Variants in PKIA observed in about 807,000 individuals in gnomAD.
PKIA encodes the protein PKI-alpha.
PKIA carries 4 observed loss-of-function variants against 7.6 expected under a neutral mutation model. That is an observed-to-expected ratio of 0.52 (90% CI 0.26 to 1.20). PKIA has a LOEUF of 1.20. Ranked by LOEUF, PKIA falls within the 50% of genes most tolerant of loss-of-function variation. PKIA has a pLI of 0.13. For synonymous variants in PKIA, 21 were observed against 30.7 expected (o/e 0.68, Z 1.04); for missense variants, 73 against 86.2 (o/e 0.85, Z 0.61).
At chr8:78,591,417 G>C (rs1269453848) in intron 2 of PKIA, 2 of 152,544 alleles carry the variant, frequency 1.3e-5, no homozygotes, top group African/African-American at 2.4e-5. Flanking sequence ...AAAAGGAAAA[G>C]ATCAGCACAG....
At chr8:78,545,991 G>T (rs1806811735) in intron 1 of PKIA, among the ~76,000 whole-genome samples, 1 of 152,152 alleles carries the variant, frequency 6.6e-6, no homozygotes, top group Admixed American at 6.6e-5. Flanking sequence ...GATCAAGAAT[G>T]CTCATTAGAT....
At position 78,567,926 on chromosome 8, in the gene PKIA, C is replaced by T. The variant is rs539713322; in HGVS notation, c.-156-4885C>T. Among the ~76,000 whole-genome samples, 78 of 152,240 alleles carry T rather than the reference C, an allele frequency of 5.1e-4. 5 individuals carry two copies. The South Asian group carries it at 0.016, about 31-fold the overall frequency. On this transcript the variant is annotated intron_variant, in intron 1 of 3. Coordinates refer to ENST00000396418, the MANE Select transcript of PKIA (RefSeq NM_006823.4). ...AATAATTGTGGGTTTTTAAAAATCACTTCCTTAATTTCTCACACTACCAGA... is the reference window on the plus strand; with the variant it reads ...AATAATTGTGGGTTTTTAAAAATCATTTCCTTAATTTCTCACACTACCAGA...
chr8:78,566,473 C>A (rs141124854), intron 1 of PKIA, among the ~76,000 whole-genome samples: 1 of 151,868 alleles, frequency 6.6e-6, no homozygotes, highest in African/African-American at 2.4e-5. Context: ...AAAGATTTCC[C>A]CTGTGGAGAT....
At position 78,602,694 on chromosome 8, in the gene PKIA, A is replaced by ATATATATATATATATAT. The variant is rs1563597433; in HGVS notation, c.*873_*874insTATATATATATATATAT. 13 of 136,978 alleles carry ATATATATATATATATAT rather than the reference A, an allele frequency of 9.5e-5. No homozygotes were observed. The highest frequency in any genetic ancestry group is 3.7e-3 in the Middle Eastern group (1 of 268). The allele number at this position is 136,978 out of a possible 1,614,324, so 8.5% of individuals were successfully genotyped here. ...CTCAAGTGGAGAACTTCTCCCACAT[A>ATATATATATATATATAT]ATATATATATATATATATATTTTAA... is the stretch of plus-strand genomic sequence containing the variant. On this transcript the variant is annotated 3_prime_UTR_variant, in exon 4 of 4. Transcript: ENST00000396418.
At chr8:78,562,247 CTAATGG>C (rs1242228699) in intron 1 of PKIA, among the ~76,000 whole-genome samples, 1 of 152,086 alleles carries the variant, frequency 6.6e-6, no homozygotes, top group African/African-American at 2.4e-5. Context: ...CTAGTTGGGA[CTAATGG>C]TAATCATCAG....
chr8:78,599,760 T>C (rs553078563), intron 3 of PKIA, among the ~76,000 whole-genome samples: 12 of 152,114 alleles, frequency 7.9e-5, no homozygotes, highest in Admixed American at 4.6e-4. Context: ...GCATAAGATT[T>C]ATATTTTATT....
At position 78,601,567 on chromosome 8, in the gene PKIA, AAACTT is replaced by A. The variant is rs1808348415; in HGVS notation, c.152-172_152-168del. On this transcript the variant is annotated intron_variant, in intron 3 of 3. Transcript: ENST00000396418. Reference sequence around the variant, plus strand: ...GTTCACAGAATTAATCAGTCCTTGAAAACTTAAGCTGTTTTCTTAGTGGTGAACTG... The same window carrying A: ...GTTCACAGAATTAATCAGTCCTTGAAAAGCTGTTTTCTTAGTGGTGAACTG... Among the ~76,000 whole-genome samples, 10 of 152,064 alleles carry A rather than the reference AAACTT, an allele frequency of 6.6e-5. No individual in the cohort carries two copies. The South Asian group carries it at 1.7e-3, about 25-fold the overall frequency.
At chr8:78,533,943 GA>G (rs1317269124) in intron 1 of PKIA, 1 of 152,074 alleles carries the variant, frequency 6.6e-6, no homozygotes, top group African/African-American at 2.4e-5. Context: ...GTTAGAGATA[GA>G]AAATATCTAA....
rs1416427187 is a variant in PKIA at position 78,535,599 on chromosome 8, C to T, written c.-157+19131C>T. ...GAACTATGAATCACTAAGCCAGCCC[C>T]TGAACTTGCTCACCAAACTGTCCAG... is the stretch of plus-strand genomic sequence containing the variant. On this transcript the variant is annotated intron_variant, in intron 1 of 3. Coordinates refer to ENST00000396418, the MANE Select transcript of PKIA (RefSeq NM_006823.4). 3.3e-5 allele frequency: 5 copies of T among 152,292 alleles called. No homozygotes were observed. The East Asian group carries it at 7.7e-4, about 24-fold the overall frequency. The allele number at this position is 152,292 out of a possible 1,614,324, so 9.4% of individuals were successfully genotyped here. A position where few individuals can be genotyped will look rare whatever the true frequency, so the allele number is the denominator to read the frequency against.
At position 78,527,790 on chromosome 8, in the gene PKIA, TGTTATTTTTTTAACCCATAA is replaced by T. The variant is rs531969892; in HGVS notation, c.-157+11330_-157+11349del. Reference sequence around the variant, plus strand: ...CTTGAAAAATGCACCTGTTTCATTTTGTTATTTTTTTAACCCATAAGTTATTTGGCCTTCCATCAGCTTTT... The same window carrying T: ...CTTGAAAAATGCACCTGTTTCATTTTGTTATTTGGCCTTCCATCAGCTTTT... On this transcript the variant is annotated intron_variant, in intron 1 of 3. Coordinates refer to ENST00000396418, the MANE Select transcript of PKIA (RefSeq NM_006823.4). 1.8e-3 allele frequency among the ~76,000 whole-genome samples: 277 copies of T among 152,196 alleles called. 2 individuals carry two copies. Among genetic ancestry groups the T allele is most frequent in the African/African-American group, 6.2e-3 (256 of 41,564 alleles).
chr8:78,535,401 G>A (rs545051607), intron 1 of PKIA: 1 of 152,174 alleles, frequency 6.6e-6, no homozygotes, highest in East Asian at 1.9e-4. Flanking sequence ...GGAGCAGTGA[G>A]TCTCAAGGTT....
chr8:78,526,587 T>C (rs192760269), intron 1 of PKIA, among the ~76,000 whole-genome samples: 1 of 152,200 alleles, frequency 6.6e-6, no homozygotes, highest in Admixed American at 6.6e-5. Flanking sequence ...TATTATTAAG[T>C]TGTCCAAAAA....
At position 78,598,502 on chromosome 8, in the gene PKIA, T is replaced by C. The variant is rs759356707; in HGVS notation, c.118T>C (p.Leu40=). Residue 40 remains leucine (L), a synonymous_variant, in exon 3 of 4, where the codon TTG becomes CTG. Coordinates refer to ENST00000396418, the MANE Select transcript of PKIA (RefSeq NM_006823.4). The stretch of plus-strand genomic sequence containing the variant: ...AAGTGGCAACAGCAATGAATTAGCC[T>C]TGAAATTAGCAGGTCTTGATATCAA... ...SASGNSNELA[L]KLAGLDINKT... 2.5e-6 allele frequency: 4 copies of C among 1,610,998 alleles called. No individual in the cohort carries two copies. In the East Asian group the frequency reaches 8.9e-5, roughly 36 times the overall value.
intron 1 of PKIA, among the ~76,000 whole-genome samples, chr8:78,530,461 G>T (rs191259177): frequency 3.5e-4 from 53 of 151,992 alleles, no homozygotes; most frequent in African/African-American, 1.1e-3. Flanking sequence ...ATCTGTAAGG[G>T]TTATTTACTT....
intron 1 of PKIA, among the ~76,000 whole-genome samples, chr8:78,546,695 C>T (rs1473996585): frequency 1.3e-5 from 2 of 152,146 alleles, no homozygotes; most frequent in Non-Finnish European, 2.9e-5. Flanking sequence ...ATTCAGCTCT[C>T]GAACCAGTTA....
chr8:78,528,555 T>G (rs1006244949), intron 1 of PKIA, among the ~76,000 whole-genome samples: 2 of 151,314 alleles, frequency 1.3e-5, no homozygotes. Context: ...CTGGGTGCAG[T>G]GGTTCATGCC....
chr8:78,595,234 A>T (rs899181562), intron 2 of PKIA, among the ~76,000 whole-genome samples: 7 of 152,228 alleles, frequency 4.6e-5, no homozygotes, highest in Non-Finnish European at 8.8e-5. Context: ...TACATAAAGT[A>T]GTGGGTAACT....
intron 1 of PKIA, among the ~76,000 whole-genome samples, chr8:78,549,877 T>C (rs1806939574): frequency 6.6e-6 from 1 of 152,068 alleles, no homozygotes; most frequent in South Asian, 2.1e-4. Context: ...GAAAATGAAC[T>C]CTGAGGTTTC....
At chr8:78,518,251 G>A (rs1227529533) in intron 1 of PKIA, among the ~76,000 whole-genome samples, 2 of 152,116 alleles carry the variant, frequency 1.3e-5, no homozygotes, top group Non-Finnish European at 2.9e-5. Context: ...TGCCCCTTGG[G>A]GTCTTAATAA....
Sources: allele counts gnomAD v4.1 joint callset (sites outside exome capture counted in the v4.1 genomes callset), GRCh38; gene constraint gnomAD v4.1.1; transcripts MANE v1.5; gene names NCBI Gene and HGNC (gene_info 2026-07-23, HGNC 2026-07-21).